Variants in CPQ observed in about 807,000 individuals in gnomAD.
CPQ encodes the protein Ser-Met dipeptidase.
CPQ carries 37 observed loss-of-function variants against 45.7 expected under a neutral mutation model. The observed-to-expected ratio is 0.81, with a 90% CI of 0.62 to 1.07. The LOEUF (loss-of-function observed/expected upper bound fraction) is 1.07, where lower values mean the gene tolerates loss of function less well. Among genes scored for constraint, CPQ ranks in the 50% least tolerant of loss-of-function variants. The pLI is 0.00. For synonymous variants in CPQ, 186 were observed against 205.8 expected, an observed-to-expected ratio of 0.90 and a Z score of 0.82; for missense variants, 537 against 572.9, an observed-to-expected ratio of 0.94 and a Z score of 0.64.
At chr8:96,708,061 A>G (rs1258210088) in intron 1 of CPQ, among the ~76,000 whole-genome samples, 1 of 151,994 alleles carries the variant, frequency 6.6e-6, no homozygotes, top group Non-Finnish European at 1.5e-5. Flanking sequence ...CCTTTCTAGC[A>G]TTTAATGGCT....
At chr8:96,810,363 A>C (rs1811146787) in intron 2 of CPQ, among the ~76,000 whole-genome samples, 1 of 152,162 alleles carries the variant, frequency 6.6e-6, no homozygotes. Context: ...GGAGTGCCAA[A>C]GGGAGTGGTG....
rs1554573253 is a variant in CPQ, at chr8:96,854,557, A to AAAAAAAC, written c.641+19379_641+19380insAAAACAA. On this transcript the variant is annotated intron_variant, in intron 3 of 7. Coordinates refer to ENST00000220763, the MANE Select transcript of CPQ (RefSeq NM_016134.4). ...AAAAAAAAAAAAAAAAAAAAAAAAA[A>AAAAAAAC]AATGTGGTGGAACTAAAAGCCCAGT... Among the ~76,000 whole-genome samples the AAAAAAAC allele has an allele frequency of 4.9e-4, 38 of 76,888 alleles. 4 individuals carry two copies. Among genetic ancestry groups the AAAAAAAC allele is most frequent in the African/African-American group, 1.8e-3 (36 of 20,040 alleles). The allele number at this position is 76,888 out of a possible 152,430, so 50.4% of individuals were successfully genotyped here. A position where few individuals can be genotyped will look rare whatever the true frequency, so the allele number is the denominator to read the frequency against.
At chr8:96,742,190 T>C (rs1410246955) in intron 1 of CPQ, among the ~76,000 whole-genome samples, 1 of 151,998 alleles carries the variant, frequency 6.6e-6, no homozygotes, top group Non-Finnish European at 1.5e-5. Context: ...TTAGGATAGT[T>C]AGCTCTTCTT....
chr8:97,046,051 T>A (rs1447083859), intron 6 of CPQ, among the ~76,000 whole-genome samples: 1 of 152,194 alleles, frequency 6.6e-6, no homozygotes, highest in Non-Finnish European at 1.5e-5. Flanking sequence ...TGTCTTTCTT[T>A]CTGCTACTCA....
At chr8:96,782,353 T>C (rs1437249626) in intron 1 of CPQ, among the ~76,000 whole-genome samples, 1 of 152,192 alleles carries the variant, frequency 6.6e-6, no homozygotes, top group African/African-American at 2.4e-5. Flanking sequence ...GCTGCACATG[T>C]GCCTGCTCAA....
rs536049855 is a variant in CPQ at position 96,840,127 on chromosome 8, GGT to G, written c.641+4952_641+4953del. On this transcript the variant is annotated intron_variant, in intron 3 of 7. Transcript: ENST00000220763. ...GGTTGCACTGACAATGTGGATTTGG[GGT>G]GTGTTCAATAAAAAGGCAGAATTGA... Among the ~76,000 whole-genome samples the G allele has an allele frequency of 7.2e-5, 11 of 152,250 alleles. No homozygotes were observed. The South Asian group carries it at 2.3e-3, about 32-fold the overall frequency.
At chr8:96,842,347 G>A (rs1811624247) in intron 3 of CPQ, among the ~76,000 whole-genome samples, 1 of 152,146 alleles carries the variant, frequency 6.6e-6, no homozygotes, top group South Asian at 2.1e-4. Context: ...AATTTGGGGA[G>A]CATATGTGCC....
intron 5 of CPQ, among the ~76,000 whole-genome samples, chr8:96,970,626 C>T (rs985529750): frequency 2.0e-5 from 3 of 150,056 alleles, no homozygotes; most frequent in Middle Eastern, 3.3e-3. Flanking sequence ...TGCAGTGGTG[C>T]GATCTCGGCT....
chr8:96,954,786 C>T (rs188513754), intron 4 of CPQ, among the ~76,000 whole-genome samples: 175 of 152,134 alleles, frequency 1.2e-3, no homozygotes, highest in African/African-American at 4.0e-3. Flanking sequence ...GTGATGTTCC[C>T]CTTCCTGTGT....
chr8:96,970,811 C>A (rs1327217311), intron 5 of CPQ, among the ~76,000 whole-genome samples: 1 of 152,184 alleles, frequency 6.6e-6, no homozygotes, highest in Non-Finnish European at 1.5e-5. Flanking sequence ...GATCCGCCCG[C>A]CTCGGCCTCC....
intron 6 of CPQ, among the ~76,000 whole-genome samples, chr8:97,034,264 C>T (rs1809959025): frequency 6.6e-6 from 1 of 152,210 alleles, no homozygotes; most frequent in South Asian, 2.1e-4. Context: ...GAATATCTCA[C>T]TGTAGTACTA....
chr8:97,096,917 C>A (rs1811218950), intron 7 of CPQ, among the ~76,000 whole-genome samples: 1 of 152,196 alleles, frequency 6.6e-6, no homozygotes, highest in Non-Finnish European at 1.5e-5. Flanking sequence ...TGGGTGCCTT[C>A]TGTCCGTACC....
At chr8:96,721,748 A>G (rs1409690036) in intron 1 of CPQ, among the ~76,000 whole-genome samples, 1 of 151,990 alleles carries the variant, frequency 6.6e-6, no homozygotes, top group Non-Finnish European at 1.5e-5. Context: ...GTCCCCCTCT[A>G]TGATCTTTCT....
intron 5 of CPQ, among the ~76,000 whole-genome samples, chr8:96,986,788 G>A (rs957235196): frequency 6.6e-6 from 1 of 152,142 alleles, no homozygotes; most frequent in Non-Finnish European, 1.5e-5. Flanking sequence ...TTATTTGGAC[G>A]TTTGAATCAC....
At chr8:96,989,061 C>T (rs527292441) in intron 5 of CPQ, among the ~76,000 whole-genome samples, 2 of 152,316 alleles carry the variant, frequency 1.3e-5, no homozygotes, top group South Asian at 4.1e-4. Flanking sequence ...AGTGGCCTCT[C>T]ACCATGCCTT....
intron 7 of CPQ, among the ~76,000 whole-genome samples, chr8:97,113,697 T>G (rs919822500): frequency 5.9e-5 from 9 of 152,174 alleles, no homozygotes; most frequent in Admixed American, 1.3e-4. Context: ...CAACAACAAC[T>G]GAGCTCAGTT....
chr8:97,086,728 G>GTAGT (rs1339082561), intron 7 of CPQ, among the ~76,000 whole-genome samples: 3 of 152,016 alleles, frequency 2.0e-5, no homozygotes, highest in African/African-American at 7.3e-5. Flanking sequence ...TTTCTGCTTT[G>GTAGT]TAGTTAGCTT....
chr8:96,959,905 A>C (rs1421225217), intron 4 of CPQ, among the ~76,000 whole-genome samples: 1 of 151,664 alleles, frequency 6.6e-6, no homozygotes, highest in African/African-American at 2.4e-5. Context: ...AAAAAAAAAA[A>C]AAAAACCAAA....
intron 1 of CPQ, among the ~76,000 whole-genome samples, chr8:96,726,706 G>A (rs1809846393): frequency 6.6e-6 from 1 of 152,074 alleles, no homozygotes; most frequent in African/African-American, 2.4e-5. Flanking sequence ...TCCAACAATA[G>A]CGATTACAAC....
Sources: gnomAD v4.1 joint callset for allele counts (sites outside exome capture counted in the v4.1 genomes callset) on GRCh38, gnomAD v4.1.1 for gene constraint, MANE v1.5 for transcripts, NCBI Gene and HGNC (gene_info 2026-07-23, HGNC 2026-07-21) for gene names.